AKAP19: variants seen among roughly 807,000 people sequenced by gnomAD.
AKAP19 encodes A-kinase anchoring protein 19, also known as small A-kinase anchoring protein.
the AKAP19 span, among the ~76,000 whole-genome samples, chr2:190,015,207 C>T: frequency 1.2e-4 from 19 of 152,192 alleles, no homozygotes; most frequent in South Asian, 6.2e-4. Context: ...AGAGGTTCTC[C>T]GTGAAGTTTC....
At chr2:189,986,044 G>A in the AKAP19 span, among the ~76,000 whole-genome samples, 1 of 152,148 alleles carries the variant, frequency 6.6e-6, no homozygotes, top group Non-Finnish European at 1.5e-5. Flanking sequence ...AAATTTGAGA[G>A]AGGCTAGCCA....
At chr2:190,106,667 T>C in the AKAP19 span, among the ~76,000 whole-genome samples, 2 of 152,182 alleles carry the variant, frequency 1.3e-5, no homozygotes, top group Non-Finnish European at 2.9e-5. Context: ...ATCCTAGTCA[T>C]AGTCCAACTG....
At chr2:190,171,376 T>C in the AKAP19 span, among the ~76,000 whole-genome samples, 68 of 152,308 alleles carry the variant, frequency 4.5e-4, no homozygotes, top group African/African-American at 1.3e-3. Context: ...AAAATGATCA[T>C]GGTTTTCTTA....
the AKAP19 span, among the ~76,000 whole-genome samples, chr2:190,081,199 TC>T: frequency 2.8e-5 from 4 of 144,550 alleles, no homozygotes; most frequent in Admixed American, 2.8e-4. Flanking sequence ...CCAACCCCCA[TC>T]CCCCCATCCT....
chr2:190,063,290 C>T, the AKAP19 span, among the ~76,000 whole-genome samples: 1 of 151,974 alleles, frequency 6.6e-6, no homozygotes, highest in Non-Finnish European at 1.5e-5. Context: ...TGACTAAATT[C>T]TTAGTAAATA....
the AKAP19 span, among the ~76,000 whole-genome samples, chr2:190,152,921 A>T: frequency 6.7e-6 from 1 of 150,354 alleles, no homozygotes; most frequent in African/African-American, 2.5e-5. Context: ...TTTGAGACGA[A>T]GTCTCACTCT....
chr2:190,098,542 C>T, the AKAP19 span, among the ~76,000 whole-genome samples: 7 of 152,166 alleles, frequency 4.6e-5, no homozygotes, highest in East Asian at 1.9e-4. Flanking sequence ...TTCTAGAGCA[C>T]GAGCAGAGTA....
At chr2:190,161,584 C>T in the AKAP19 span, among the ~76,000 whole-genome samples, 1 of 151,940 alleles carries the variant, frequency 6.6e-6, no homozygotes, top group Non-Finnish European at 1.5e-5. Context: ...TTTTGTTGAC[C>T]TTTCGACAGC....
At chr2:189,933,272 G>A in the AKAP19 span, among the ~76,000 whole-genome samples, 1 of 152,178 alleles carries the variant, frequency 6.6e-6, no homozygotes, top group African/African-American at 2.4e-5. Flanking sequence ...CCTTTTGGGA[G>A]GGAGATGTGA....
chr2:190,200,348 A>G, the AKAP19 span: 2 of 558,602 alleles, frequency 3.6e-6, no homozygotes, highest in Non-Finnish European at 6.5e-6. Context: ...TTAGTCTTAG[A>G]TTTTAGTCAT....
the AKAP19 span, among the ~76,000 whole-genome samples, chr2:189,967,324 T>C: frequency 6.6e-6 from 1 of 152,224 alleles, no homozygotes; most frequent in Non-Finnish European, 1.5e-5. Flanking sequence ...ATTGTATTTT[T>C]AGCTTTCCTT....
chr2:190,027,718 A>T, the AKAP19 span, among the ~76,000 whole-genome samples: 1 of 152,198 alleles, frequency 6.6e-6, no homozygotes, highest in Non-Finnish European at 1.5e-5. Flanking sequence ...GTTATGTGAA[A>T]CTGATATAAA....
At chr2:189,928,863 C>G in the AKAP19 span, among the ~76,000 whole-genome samples, 1 of 152,104 alleles carries the variant, frequency 6.6e-6, no homozygotes, top group Admixed American at 6.5e-5. Flanking sequence ...GTTGAGACCA[C>G]TTTTCCTTTT....
chr2:190,118,735 T>C, the AKAP19 span, among the ~76,000 whole-genome samples: 1 of 152,200 alleles, frequency 6.6e-6, no homozygotes, highest in African/African-American at 2.4e-5. Flanking sequence ...ATCAGAGCTA[T>C]TTATGACAAA....
the AKAP19 span, among the ~76,000 whole-genome samples, chr2:189,921,727 T>C: frequency 6.6e-6 from 1 of 152,160 alleles, no homozygotes; most frequent in Non-Finnish European, 1.5e-5. Flanking sequence ...TAGAATTAGT[T>C]TGAGTAAAAG....
the AKAP19 span, chr2:189,923,758 G>A: frequency 1.3e-5 from 21 of 1,613,420 alleles, no homozygotes; most frequent in Non-Finnish European, 2.5e-6. Context: ...GGGCTGTAGT[G>A]CCCTCGAAAC....
chr2:189,967,165 A>G, the AKAP19 span, among the ~76,000 whole-genome samples: 2 of 152,166 alleles, frequency 1.3e-5, no homozygotes, highest in African/African-American at 4.8e-5. Flanking sequence ...TCCTCCTCCT[A>G]TAAACCAAAG....
the AKAP19 span, among the ~76,000 whole-genome samples, chr2:190,025,838 A>C: frequency 2.0e-5 from 3 of 152,198 alleles, no homozygotes; most frequent in African/African-American, 7.2e-5. Flanking sequence ...CTTTAACAGA[A>C]TGTCAAATAA....
the AKAP19 span, among the ~76,000 whole-genome samples, chr2:189,883,827 CAAAAT>C: frequency 2.0e-5 from 3 of 151,956 alleles, no homozygotes; most frequent in Non-Finnish European, 4.4e-5. Flanking sequence ...CTAGAGGAAA[CAAAAT>C]AAGAGCAATA....
Sources: gnomAD v4.1 joint callset for allele counts (sites outside exome capture counted in the v4.1 genomes callset) on GRCh38, gnomAD v4.1.1 for gene constraint, MANE v1.5 for transcripts, NCBI Gene and HGNC (gene_info 2026-07-23, HGNC 2026-07-21) for gene names.